Variants in LDHC observed in about 807,000 individuals in gnomAD.
LDHC encodes lactate dehydrogenase C, also known as L-lactate dehydrogenase C chain.
LDHC carries 20 observed loss-of-function variants against 30.2 expected under a neutral mutation model. The ratio of observed to expected loss-of-function variants is 0.66; its 90% CI spans 0.47 to 0.96. The LOEUF (loss-of-function observed/expected upper bound fraction) is 0.96, where lower values mean the gene tolerates loss of function less well. Among genes scored for constraint, LDHC ranks in the 40% least tolerant of loss-of-function variants. The pLI, the probability that LDHC is intolerant of heterozygous loss-of-function variation, is 0.00. For synonymous variants in LDHC, 139 were observed against 132.7 expected, an observed-to-expected ratio of 1.05 and a Z score of -0.32; for missense variants, 362 against 394.9, an observed-to-expected ratio of 0.92 and a Z score of 0.71.
intron 3 of LDHC, 61 bp from the exon 4 acceptor site, chr11:18,429,675 GA>G: frequency 1.1e-6 from 1 of 925,142 alleles, no homozygotes; most frequent in Admixed American, 2.2e-5. Context: ...GAGTTTTAAG[GA>G]GTTAAGGCAC....
intron 3 of LDHC, among the ~76,000 whole-genome samples, chr11:18,425,353 A>G (rs1848143769): frequency 6.6e-6 from 1 of 152,096 alleles, no homozygotes. Flanking sequence ...GTTTTGGCAG[A>G]GTTAATATTT....
At chr11:18,438,238 C>T (rs73438686) in intron 5 of LDHC, among the ~76,000 whole-genome samples, 18,163 of 151,988 alleles carry the variant, frequency 0.12, 1,158 homozygotes, top group Middle Eastern at 0.19. Flanking sequence ...AGGGCAGAAA[C>T]GAGAGAGAGG....
intron 5 of LDHC, 109 bp downstream of exon 5, chr11:18,435,022 T>A: frequency 1.5e-6 from 1 of 665,352 alleles, no homozygotes; most frequent in East Asian, 2.9e-5. Flanking sequence ...AAGTTTAATT[T>A]TTTTGGTATT....
chr11:18,437,476 G>C (rs1848374338), intron 5 of LDHC, among the ~76,000 whole-genome samples: 1 of 152,156 alleles, frequency 6.6e-6, no homozygotes, highest in African/African-American at 2.4e-5. Flanking sequence ...GCCAGGGCCG[G>C]GCACGGTGGC....
intron 3 of LDHC, among the ~76,000 whole-genome samples, chr11:18,419,652 A>G (rs1411418610): frequency 6.6e-6 from 1 of 152,246 alleles, no homozygotes; most frequent in African/African-American, 2.4e-5. Flanking sequence ...ACATGCCACT[A>G]TAGATTTAAA....
chr11:18,441,235 C>T (rs1030524036), intron 6 of LDHC, among the ~76,000 whole-genome samples: 6 of 152,028 alleles, frequency 3.9e-5, no homozygotes, highest in South Asian at 4.1e-4. Context: ...TTTCACCTAG[C>T]ATTAAGTTTA....
chr11:18,443,472 T>C (rs1469440528), intron 6 of LDHC, among the ~76,000 whole-genome samples: 3 of 150,920 alleles, frequency 2.0e-5, no homozygotes, highest in Non-Finnish European at 3.0e-5. Flanking sequence ...TTTTTTTTTT[T>C]TTTTTGAGAC....
At chr11:18,431,813 G>A (rs1346777840) in intron 4 of LDHC, among the ~76,000 whole-genome samples, 1 of 152,142 alleles carries the variant, frequency 6.6e-6, no homozygotes, top group East Asian at 1.9e-4. Flanking sequence ...GCCTCCCAAA[G>A]TTCTGGGATT....
intron 5 of LDHC, among the ~76,000 whole-genome samples, chr11:18,435,756 G>T (rs776694009): frequency 3.9e-5 from 6 of 151,998 alleles, no homozygotes; most frequent in Non-Finnish European, 7.4e-5. Context: ...AATGAAATCC[G>T]CATCTTTTTC....
At position 18,447,421 on chromosome 11, in the gene LDHC, C is replaced by A. The variant is rs189231310; in HGVS notation, c.834+1088C>A. Among the ~76,000 whole-genome samples the A allele has an allele frequency of 7.7e-4, 117 of 152,248 alleles. 1 individual carries two copies. The highest frequency in any genetic ancestry group is 1.3e-3 in the Non-Finnish European group (89 of 68,022). On this transcript the variant is annotated intron_variant, in intron 7 of 7. Coordinates refer to ENST00000541669, the MANE Select transcript of LDHC (RefSeq NM_017448.5). ...AATTGCTGGGATTACAGGCGTGAGCCACCACGGCCTGTCGATTTCTCTATT... is the reference window on the plus strand; with the variant it reads ...AATTGCTGGGATTACAGGCGTGAGCAACCACGGCCTGTCGATTTCTCTATT...
intron 3 of LDHC, among the ~76,000 whole-genome samples, chr11:18,421,814 G>T (rs1848059367): frequency 6.6e-6 from 1 of 152,118 alleles, no homozygotes; most frequent in Admixed American, 6.6e-5. Context: ...GCTAACAAAA[G>T]AACAGAAACC....
intron 3 of LDHC, 81 bp from the exon 4 acceptor site, chr11:18,429,656 C>A: frequency 1.4e-6 from 1 of 734,370 alleles, no homozygotes; most frequent in Non-Finnish European, 2.2e-6. Context: ...ATACTAAGAA[C>A]ATACAATAGA....
At chr11:18,442,828 A>G (rs971567078) in intron 6 of LDHC, among the ~76,000 whole-genome samples, 2 of 151,900 alleles carry the variant, frequency 1.3e-5, no homozygotes, top group African/African-American at 4.8e-5. Flanking sequence ...ACACCTGGCT[A>G]GTTTTTATAT....
At chr11:18,421,076 A>T (rs73436662) in intron 3 of LDHC, among the ~76,000 whole-genome samples, 22,685 of 151,958 alleles carry the variant, frequency 0.15, 1,869 homozygotes, top group African/African-American at 0.21. Context: ...TTATTTTGAG[A>T]CAAAGTCTCA....
intron 5 of LDHC, among the ~76,000 whole-genome samples, chr11:18,435,592 G>A (rs139493612): frequency 3.0e-3 from 461 of 152,080 alleles, no homozygotes; most frequent in Middle Eastern, 6.8e-3. Flanking sequence ...CCCAGTCTCA[G>A]GTATTTCTTT....
intron 6 of LDHC, among the ~76,000 whole-genome samples, chr11:18,440,733 A>C (rs1364048843): frequency 6.6e-6 from 1 of 152,020 alleles, no homozygotes; most frequent in African/African-American, 2.4e-5. Context: ...GTTTCAGATC[A>C]GCTGGGGCAA....
chr11:18,443,176 C>G (rs1260140129), intron 6 of LDHC, among the ~76,000 whole-genome samples: 2 of 152,030 alleles, frequency 1.3e-5, no homozygotes, highest in Non-Finnish European at 2.9e-5. Context: ...ATTAATATTA[C>G]AGTATCTTTT....
chr11:18,431,308 A>G (rs1459170454), intron 4 of LDHC, among the ~76,000 whole-genome samples: 1 of 151,830 alleles, frequency 6.6e-6, no homozygotes, highest in Non-Finnish European at 1.5e-5. Flanking sequence ...TAAAAATACA[A>G]AATTAGCCGG....
chr11:18,438,777 T>C, intron 6 of LDHC, 132 bp downstream of exon 6: 1 of 512,324 alleles, frequency 2.0e-6, no homozygotes, highest in South Asian at 2.7e-5. Context: ...AACCACTAAA[T>C]TCAGACTTAT....
Sources: gnomAD v4.1 joint callset for allele counts (sites outside exome capture counted in the v4.1 genomes callset) on GRCh38, gnomAD v4.1.1 for gene constraint, MANE v1.5 for transcripts, NCBI Gene and HGNC (gene_info 2026-07-23, HGNC 2026-07-21) for gene names.